ADAMTS12: variants seen among roughly 807,000 people sequenced by gnomAD.
The protein encoded by ADAMTS12 is ADAM metallopeptidase with thrombospondin type 1 motif 12.
Under a neutral mutation model 167.8 loss-of-function variants are expected in ADAMTS12, and 118 were observed. The observed-to-expected ratio is 0.70, with a 90% CI of 0.61 to 0.82. The LOEUF (loss-of-function observed/expected upper bound fraction) is 0.82, where lower values mean the gene tolerates loss of function less well. Among genes scored for constraint, ADAMTS12 ranks in the 40% least tolerant of loss-of-function variants. The probability of loss-of-function intolerance (pLI) is 0.00; values close to 1 mark genes in which losing one functional copy is unlikely to be tolerated. For missense variants in ADAMTS12, 1,916 were observed against 1,998.8 expected (o/e 0.96, Z 0.79); for synonymous variants, 704 against 716.9 (o/e 0.98, Z 0.29).
chr5:33,741,730 C>T (rs533330474), intron 3 of ADAMTS12, among the ~76,000 whole-genome samples: 1 of 152,156 alleles, frequency 6.6e-6, no homozygotes, highest in South Asian at 2.1e-4. Context: ...CGGGTTCAAG[C>T]GATTCTCCTG....
At chr5:33,675,652 G>A (rs1174338604) in intron 5 of ADAMTS12, among the ~76,000 whole-genome samples, 1 of 151,964 alleles carries the variant, frequency 6.6e-6, no homozygotes, top group Non-Finnish European at 1.5e-5. Flanking sequence ...TGCAATATGT[G>A]ACATTTAACA....
intron 2 of ADAMTS12, among the ~76,000 whole-genome samples, chr5:33,807,199 C>CT (rs1747270059): frequency 6.6e-6 from 1 of 152,136 alleles, no homozygotes; most frequent in African/African-American, 2.4e-5. Flanking sequence ...GTACTTGCTG[C>CT]TTTTTGTTTC....
intron 12 of ADAMTS12, among the ~76,000 whole-genome samples, chr5:33,634,138 A>G (rs1177448218): frequency 6.6e-6 from 1 of 152,200 alleles, no homozygotes; most frequent in African/African-American, 2.4e-5. Context: ...CTTGCTAAAA[A>G]GAATGAAAAT....
In ADAMTS12 at chr5:33,793,291, T is replaced by TA. The variant is rs546812382; in HGVS notation, c.490-41744dup. Among the ~76,000 whole-genome samples the TA allele has an allele frequency of 1.2e-4, 19 of 152,344 alleles. No individual in the cohort carries two copies. In the South Asian group the frequency reaches 3.9e-3, roughly 32 times the overall value. ...TTTGTGTGTAATGAGGCTGAACACT[T>TA]AAAATCATGGGTGAAGGTCAGACCC... is the stretch of plus-strand genomic sequence containing the variant. On this transcript the variant is annotated intron_variant, in intron 2 of 23. Coordinates refer to ENST00000504830, the MANE Select transcript of ADAMTS12 (RefSeq NM_030955.4).
chr5:33,649,079 T>C, intron 8 of ADAMTS12, 113 bp from the exon 9 acceptor site: 2 of 1,323,580 alleles, frequency 1.5e-6, no homozygotes, highest in South Asian at 3.0e-5. Context: ...AAGACAACTT[T>C]ATTTTTTACA....
chr5:33,664,607 T>A (rs1490821812), intron 5 of ADAMTS12, among the ~76,000 whole-genome samples: 4 of 152,178 alleles, frequency 2.6e-5, no homozygotes, highest in Non-Finnish European at 4.4e-5. Flanking sequence ...TATGATATCG[T>A]CTCATACCTG....
chr5:33,790,394 A>C (rs1379032840), intron 2 of ADAMTS12, among the ~76,000 whole-genome samples: 1 of 152,108 alleles, frequency 6.6e-6, no homozygotes, highest in East Asian at 1.9e-4. Flanking sequence ...CTCTACTAAA[A>C]ATACAAAAAT....
chr5:33,548,411 T>C (rs906114048), intron 21 of ADAMTS12, among the ~76,000 whole-genome samples: 4 of 152,198 alleles, frequency 2.6e-5, no homozygotes, highest in African/African-American at 9.7e-5. Flanking sequence ...GGGTTAAAAA[T>C]GCCTACCATC....
At chr5:33,609,333 G>A (rs1391524676) in intron 16 of ADAMTS12, among the ~76,000 whole-genome samples, 4 of 150,772 alleles carry the variant, frequency 2.7e-5, no homozygotes, top group African/African-American at 9.7e-5. Flanking sequence ...ACTTTAAAGG[G>A]AAAACACACA....
rs558760205 is a variant in ADAMTS12, at chr5:33,642,868, C to G, written c.1572+510G>C. ...GTAAGCTCTAGGCCCACAAGGAACC[C>G]AGCCTAGAGGATATCAAACCTCTCT... On this transcript the variant is annotated intron_variant, in intron 10 of 23. Transcript: ENST00000504830. Among the ~76,000 whole-genome samples, 11 of 152,262 alleles carry G rather than the reference C, an allele frequency of 7.2e-5. No homozygotes were observed. The East Asian group carries it at 2.1e-3, about 29-fold the overall frequency.
intron 21 of ADAMTS12, among the ~76,000 whole-genome samples, chr5:33,546,795 A>C (rs1004579990): frequency 1.3e-5 from 2 of 152,202 alleles, no homozygotes; most frequent in Admixed American, 6.5e-5. Context: ...ACATTATCTC[A>C]TTTGCATGAC....
At chr5:33,581,241 C>G in intron 18 of ADAMTS12, among the ~76,000 whole-genome samples, 1 of 152,238 alleles carries the variant, frequency 6.6e-6, no homozygotes, top group East Asian at 1.9e-4. Context: ...TCAGAATTCT[C>G]TAAACCAACT....
intron 22 of ADAMTS12, 33 bp downstream of exon 22, chr5:33,546,026 A>G (rs193108202): frequency 3.9e-5 from 62 of 1,574,690 alleles, no homozygotes; most frequent in Non-Finnish European, 5.1e-5. Context: ...AAAAAAAGCT[A>G]AAGTAAAAAA....
intron 3 of ADAMTS12, among the ~76,000 whole-genome samples, chr5:33,698,560 C>G (rs1351683975): frequency 3.9e-5 from 6 of 152,186 alleles, no homozygotes; most frequent in African/African-American, 1.4e-4. Context: ...GCTCACAGAG[C>G]TAGTGCCTTT....
intron 18 of ADAMTS12, among the ~76,000 whole-genome samples, chr5:33,586,686 T>C (rs910482541): frequency 6.6e-6 from 1 of 152,264 alleles, no homozygotes; most frequent in African/African-American, 2.4e-5. Context: ...CAGTTTTGGA[T>C]GCGGCCAACA....
chr5:33,724,286 T>TG (rs1449447615), intron 3 of ADAMTS12, among the ~76,000 whole-genome samples: 1 of 152,206 alleles, frequency 6.6e-6, no homozygotes, highest in East Asian at 1.9e-4. Flanking sequence ...TCTGGTTGAT[T>TG]GGGAGGTCAG....
At chr5:33,709,135 A>T (rs1373081923) in intron 3 of ADAMTS12, among the ~76,000 whole-genome samples, 1 of 152,212 alleles carries the variant, frequency 6.6e-6, no homozygotes, top group Admixed American at 6.5e-5. Context: ...GAGAAATGCA[A>T]ATCGAAACCA....
chr5:33,876,475 C>T (rs1177572071), intron 2 of ADAMTS12, among the ~76,000 whole-genome samples: 3 of 152,092 alleles, frequency 2.0e-5, no homozygotes, highest in Non-Finnish European at 2.9e-5. Flanking sequence ...AAAATACATC[C>T]AGCTAATTTT....
chr5:33,569,057 T>C (rs957966245), intron 19 of ADAMTS12, among the ~76,000 whole-genome samples: 2 of 152,236 alleles, frequency 1.3e-5, no homozygotes, highest in Non-Finnish European at 2.9e-5. Flanking sequence ...CACCTGCCAT[T>C]GCCCAGGCTC....
Sources: gnomAD v4.1 joint callset for allele counts (sites outside exome capture counted in the v4.1 genomes callset) on GRCh38, gnomAD v4.1.1 for gene constraint, MANE v1.5 for transcripts, NCBI Gene and HGNC (gene_info 2026-07-23, HGNC 2026-07-21) for gene names.